Variants in PAPPA observed in about 807,000 individuals in gnomAD.
The protein encoded by PAPPA is pappalysin 1, also known as pappalysin-1.
Under a neutral mutation model 164.0 loss-of-function variants are expected in PAPPA, and 60 were observed. That is an observed-to-expected ratio of 0.37 (90% CI 0.30 to 0.45). The LOEUF (loss-of-function observed/expected upper bound fraction) is 0.45. PAPPA is among the 20% of genes least tolerant of loss of function. The pLI, the probability that PAPPA is intolerant of heterozygous loss-of-function variation, is 1.00. For synonymous variants in PAPPA, 875 were observed against 814.1 expected, an observed-to-expected ratio of 1.07 and a Z score of -1.27; for missense variants, 1,782 against 2,087.3, an observed-to-expected ratio of 0.85 and a Z score of 2.85.
At chr9:116,270,287 A>G (rs1482992747) in intron 8 of PAPPA, among the ~76,000 whole-genome samples, 2 of 152,234 alleles carry the variant, frequency 1.3e-5, no homozygotes. Context: ...TTCAGCATCC[A>G]CAGGAGCACT....
Position 116,187,059 on chromosome 9 carries a change from A to G in PAPPA, c.416-95A>G. ...GCAGTTGGAAAGCGATGAGTCTAGG[A>G]TAACCTGATACAAATTTTATTAGAG... On this transcript the variant is annotated intron_variant, in intron 1 of 21. Coordinates refer to ENST00000328252, the MANE Select transcript of PAPPA (RefSeq NM_002581.5). This position sits in a 1 kb window ranked among gnomAD's most constrained non-coding sequence, Gnocchi z 4.2. 1 of 907,622 alleles carries G rather than the reference A, an allele frequency of 1.1e-6. No individual in the cohort carries two copies. Among genetic ancestry groups the G allele is most frequent in the Non-Finnish European group, 1.7e-6 (1 of 589,016 alleles). 56.2% of individuals were successfully genotyped at this position (907,622 alleles called of 1,614,324 possible).
At chr9:116,261,933 C>A (rs1845007614) in intron 7 of PAPPA, among the ~76,000 whole-genome samples, 1 of 149,904 alleles carries the variant, frequency 6.7e-6, no homozygotes, top group Admixed American at 6.6e-5. Context: ...TGCATGAGGG[C>A]CAGGCACAGT....
At position 116,364,947 on chromosome 9, in the gene PAPPA, T is replaced by C. The variant is rs565826105; in HGVS notation, c.4495+2208T>C. On this transcript the variant is annotated intron_variant, in intron 18 of 21. Coordinates refer to ENST00000328252, the MANE Select transcript of PAPPA (RefSeq NM_002581.5). ...TAATCCAGGGCAGATGATGAGTGCA[T>C]AGGGACACTGGAGGAGATCAGAGAG... 8.5e-5 allele frequency among the ~76,000 whole-genome samples: 13 copies of C among 152,196 alleles called. No individual in the cohort carries two copies. In the East Asian group the frequency reaches 2.3e-3, roughly 27 times the overall value.
intron 10 of PAPPA, among the ~76,000 whole-genome samples, chr9:116,321,641 A>G (rs569633146): frequency 1.7e-4 from 26 of 152,218 alleles, no homozygotes; most frequent in African/African-American, 5.8e-4. Flanking sequence ...CCTGCACTAC[A>G]TGGTTATTAT....
intron 10 of PAPPA, among the ~76,000 whole-genome samples, chr9:116,330,025 CT>C (rs1209676769): frequency 3.3e-5 from 5 of 151,848 alleles, no homozygotes; most frequent in African/African-American, 1.2e-4. Flanking sequence ...TTTGTTTTTG[CT>C]TGTTTTAGGT....
chr9:116,261,887 G>GTTTTGTTTTGTTTTGTTTTGTTT (rs77731355), intron 7 of PAPPA, among the ~76,000 whole-genome samples: 1 of 150,944 alleles, frequency 6.6e-6, no homozygotes, highest in African/African-American at 2.4e-5. Context: ...GTAGAAAAAA[G>GTTTTGTTTTGTTTTGTTTTGTTT]TGTTTTGTTT....
chr9:116,350,277 C>T (rs545772258), intron 15 of PAPPA, among the ~76,000 whole-genome samples: 2 of 152,272 alleles, frequency 1.3e-5, no homozygotes, highest in South Asian at 2.1e-4. Context: ...AGAAGACAAA[C>T]GAAGGGCACA....
At chr9:116,232,163 T>C (rs774691010) in intron 6 of PAPPA, among the ~76,000 whole-genome samples, 1 of 152,166 alleles carries the variant, frequency 6.6e-6, no homozygotes, top group Non-Finnish European at 1.5e-5. Flanking sequence ...TAATGTAGTA[T>C]ACAAGCCACT....
chr9:116,320,549 T>C (rs995273104), intron 10 of PAPPA, among the ~76,000 whole-genome samples: 15 of 152,172 alleles, frequency 9.9e-5, no homozygotes, highest in Non-Finnish European at 1.6e-4. Flanking sequence ...GAATAATAAA[T>C]GCTCATATTG....
chr9:116,202,761 G>A (rs1289637545), intron 2 of PAPPA, among the ~76,000 whole-genome samples: 1 of 151,920 alleles, frequency 6.6e-6, no homozygotes, highest in Non-Finnish European at 1.5e-5. Flanking sequence ...CATATTTTTG[G>A]GTACACTTCC....
chr9:116,327,677 T>A (rs775148050), intron 10 of PAPPA, among the ~76,000 whole-genome samples: 1 of 152,126 alleles, frequency 6.6e-6, no homozygotes, highest in Non-Finnish European at 1.5e-5. Flanking sequence ...GTGGCCAACT[T>A]TGTATCATGG....
intron 13 of PAPPA, among the ~76,000 whole-genome samples, chr9:116,344,109 C>T (rs1043251929): frequency 6.6e-6 from 1 of 152,134 alleles, no homozygotes; most frequent in Non-Finnish European, 1.5e-5. Context: ...AGGAGTTCTG[C>T]TATGCGTTTT....
chr9:116,350,255 A>G (rs1846264499), intron 15 of PAPPA, among the ~76,000 whole-genome samples: 2 of 152,230 alleles, frequency 1.3e-5, no homozygotes, highest in Admixed American at 6.5e-5. Context: ...CACAGTATAC[A>G]GGCCAGTGCC....
At chr9:116,390,131 T>C (rs902582677) in intron 21 of PAPPA, among the ~76,000 whole-genome samples, 1 of 152,182 alleles carries the variant, frequency 6.6e-6, no homozygotes, top group Non-Finnish European at 1.5e-5. Context: ...TGAATTCATG[T>C]CTTATGGATG....
rs541830269 is a variant in PAPPA, at chr9:116,164,885, G to A, written c.415+10298G>A. Among the ~76,000 whole-genome samples, 5 of 152,288 alleles carry A rather than the reference G, an allele frequency of 3.3e-5. No individual in the cohort carries two copies. In the South Asian group the frequency reaches 6.2e-4, roughly 19 times the overall value. On this transcript the variant is annotated intron_variant, in intron 1 of 21. Coordinates refer to ENST00000328252, the MANE Select transcript of PAPPA (RefSeq NM_002581.5). ...TGATAAATGTGATACTCAGTTTTGT[G>A]AAGTAAACTTCATTTAAGTCCAAAG...
chr9:116,334,382 A>T (rs1172340490), intron 12 of PAPPA, among the ~76,000 whole-genome samples: 1 of 152,192 alleles, frequency 6.6e-6, no homozygotes, highest in Non-Finnish European at 1.5e-5. Context: ...CTAAGCAAGA[A>T]GTCCTTCCCT....
chr9:116,266,089 A>G, intron 8 of PAPPA, 104 bp downstream of exon 8: 3 of 989,292 alleles, frequency 3.0e-6, no homozygotes, highest in South Asian at 2.1e-5. Context: ...TCAGTGCATG[A>G]GCTGTGAGCT....
At chr9:116,327,153 A>G (rs1196048798) in intron 10 of PAPPA, among the ~76,000 whole-genome samples, 1 of 151,950 alleles carries the variant, frequency 6.6e-6, no homozygotes, top group Non-Finnish European at 1.5e-5. Flanking sequence ...TTTCTAGAGC[A>G]CTCTTGATGT....
rs759429627 is a variant in PAPPA, at chr9:116,187,497, C to T, written c.759C>T (p.Ile253=). 1.7e-5 allele frequency: 27 copies of T among 1,614,010 alleles called. No homozygotes were observed. Among genetic ancestry groups the T allele is most frequent in the Non-Finnish European group, 2.2e-5 (26 of 1,180,008 alleles). Reference sequence around the variant, plus strand: ...TGAATCACAACTACCGGGGCTACATCGAGCACTTCAGTCTGTGGAAGGTGG... The same window carrying T: ...TGAATCACAACTACCGGGGCTACATTGAGCACTTCAGTCTGTGGAAGGTGG... ...SALNHNYRGY[I]EHFSLWKVAR... is the part of the protein sequence containing the mutation. Residue 253 remains isoleucine (I), a synonymous_variant, in exon 2 of 22, where the codon ATC becomes ATT. Coordinates refer to ENST00000328252, the MANE Select transcript of PAPPA (RefSeq NM_002581.5). This position sits in a 1 kb window ranked among gnomAD's most constrained non-coding sequence, Gnocchi z 4.2.
Sources: allele counts gnomAD v4.1 joint callset (sites outside exome capture counted in the v4.1 genomes callset), GRCh38; gene constraint gnomAD v4.1.1; non-coding constraint Gnocchi (gnomAD v3.1); transcripts MANE v1.5; gene names NCBI Gene and HGNC (gene_info 2026-07-23, HGNC 2026-07-21).